The following NRG1 variants were observed in gnomAD, a reference collection of about 807,000 sequenced individuals.
NRG1 encodes the protein neuregulin 1.
In NRG1, 18 loss-of-function variants were observed where a neutral mutation model predicts 63.8. The observed-to-expected ratio is 0.28, with a 90% CI of 0.19 to 0.42. The LOEUF (loss-of-function observed/expected upper bound fraction) is 0.42. Ranked by LOEUF, NRG1 falls within the 10% of genes least tolerant of loss-of-function variation. NRG1 has a pLI of 1.00. For missense variants in NRG1, 762 were observed against 814.7 expected, an observed-to-expected ratio of 0.94 and a Z score of 0.79; for synonymous variants, 302 against 301.3, an observed-to-expected ratio of 1.00 and a Z score of -0.02.
intron 1 of NRG1, among the ~76,000 whole-genome samples, chr8:31,696,990 A>G (rs766997593): frequency 7.2e-5 from 11 of 152,210 alleles, no homozygotes; most frequent in Non-Finnish European, 1.3e-4. Flanking sequence ...TTTAATTCCT[A>G]TCACTAGTTA....
intron 1 of NRG1, among the ~76,000 whole-genome samples, chr8:32,164,312 G>T (rs1276743390): frequency 6.6e-6 from 1 of 151,440 alleles, no homozygotes; most frequent in Admixed American, 6.6e-5. Context: ...CTTTGAATTT[G>T]GAATGCTTCC....
At chr8:32,437,488 T>C (rs970310114) in intron 1 of NRG1, among the ~76,000 whole-genome samples, 7 of 152,210 alleles carry the variant, frequency 4.6e-5, no homozygotes, top group Non-Finnish European at 1.0e-4. Context: ...CCTGGCTCTA[T>C]GATCAGCTCT....
At chr8:31,745,738 A>G (rs1416938506) in intron 1 of NRG1, among the ~76,000 whole-genome samples, 3 of 151,946 alleles carry the variant, frequency 2.0e-5, no homozygotes, top group Non-Finnish European at 4.4e-5. Flanking sequence ...GTGAGCATGA[A>G]TGAGCCAAGA....
At chr8:31,992,003 A>G (rs1811180915) in intron 1 of NRG1, among the ~76,000 whole-genome samples, 1 of 151,920 alleles carries the variant, frequency 6.6e-6, no homozygotes, top group Admixed American at 6.6e-5. Flanking sequence ...GGGCGTCTAA[A>G]TGTTCAAAGA....
chr8:32,454,291 G>A (rs1279766083), intron 1 of NRG1, among the ~76,000 whole-genome samples: 1 of 152,096 alleles, frequency 6.6e-6, no homozygotes, highest in Non-Finnish European at 1.5e-5. Flanking sequence ...ATTATTGGCA[G>A]CTATGAATTT....
chr8:32,260,478 C>A (rs1850243973), intron 1 of NRG1, among the ~76,000 whole-genome samples: 1 of 152,218 alleles, frequency 6.6e-6, no homozygotes, highest in African/African-American at 2.4e-5. Flanking sequence ...GTGCTCAGGT[C>A]TTTTGCTCCT....
chr8:32,215,043 C>G (rs1476782509), intron 1 of NRG1, among the ~76,000 whole-genome samples: 1 of 152,174 alleles, frequency 6.6e-6, no homozygotes, highest in African/African-American at 2.4e-5. Flanking sequence ...GACACCCAGT[C>G]AAATTGGAAT....
intron 1 of NRG1, among the ~76,000 whole-genome samples, chr8:32,561,304 A>G (rs1304096428): frequency 6.6e-6 from 1 of 152,256 alleles, no homozygotes; most frequent in African/African-American, 2.4e-5. Flanking sequence ...TAGAGTACCT[A>G]TGATTCATAG....
rs115693416 is a variant in NRG1, at chr8:32,311,878, A to G, written c.38-283950A>G. On this transcript the variant is annotated intron_variant, in intron 1 of 10. Transcript: ENST00000519301. ...CATATCAATTCAACACGCAGTACTA[A>G]GTCTCTCCTCTTGCTCCATTTTCTA... is the stretch of plus-strand genomic sequence containing the variant. Among the ~76,000 whole-genome samples, 548 of 152,278 alleles carry G rather than the reference A, an allele frequency of 3.6e-3. 1 individual carries two copies. The highest frequency in any genetic ancestry group is 0.01 in the African/African-American group (430 of 41,556).
In NRG1 at chr8:32,502,355, C is replaced by A. The variant is rs112791656; in HGVS notation, c.38-93473C>A. ...TAAAACGTTCTTGAGAAATCTGCCC[C>A]CATGATTACAATCACCTCCCACCAG... is the stretch of plus-strand genomic sequence containing the variant. On this transcript the variant is annotated intron_variant, in intron 1 of 10. Coordinates refer to the NRG1 transcript ENST00000519301. 1.0e-3 allele frequency among the ~76,000 whole-genome samples: 151 copies of A among 150,868 alleles called. 2 individuals are homozygous for A. Among genetic ancestry groups the A allele is most frequent in the Admixed American group, 3.1e-3 (47 of 15,098 alleles).
intron 1 of NRG1, among the ~76,000 whole-genome samples, chr8:32,201,480 C>T (rs1353894522): frequency 6.6e-6 from 1 of 152,144 alleles, no homozygotes; most frequent in African/African-American, 2.4e-5. Context: ...AATAATTTGG[C>T]AATCATTTAT....
chr8:32,327,677 G>A (rs1208628001), intron 1 of NRG1, among the ~76,000 whole-genome samples: 2 of 152,098 alleles, frequency 1.3e-5, no homozygotes, highest in African/African-American at 4.8e-5. Flanking sequence ...GTTTTGTTTT[G>A]TTGTTTTATA....
At chr8:32,319,910 C>A (rs1257564178) in intron 1 of NRG1, among the ~76,000 whole-genome samples, 1 of 152,064 alleles carries the variant, frequency 6.6e-6, no homozygotes, top group Non-Finnish European at 1.5e-5. Context: ...CAAAGGAATA[C>A]TCTCTCAGAG....
At chr8:32,019,108 T>G (rs1009005997) in intron 1 of NRG1, among the ~76,000 whole-genome samples, 1 of 150,780 alleles carries the variant, frequency 6.6e-6, no homozygotes, top group Admixed American at 6.6e-5. Flanking sequence ...AGGAGTTCTG[T>G]TTTTTTTTGA....
At chr8:31,878,700 C>G (rs1190042112) in intron 1 of NRG1, among the ~76,000 whole-genome samples, 2 of 152,146 alleles carry the variant, frequency 1.3e-5, no homozygotes, top group Non-Finnish European at 2.9e-5. Flanking sequence ...GGGAAAGGAT[C>G]TATTTCATGA....
chr8:32,290,070 G>T (rs1423183987), intron 1 of NRG1, among the ~76,000 whole-genome samples: 1 of 152,016 alleles, frequency 6.6e-6, no homozygotes, highest in Non-Finnish European at 1.5e-5. Flanking sequence ...GGAGGACCCT[G>T]TCTCTACAAA....
intron 1 of NRG1, among the ~76,000 whole-genome samples, chr8:32,243,566 C>T (rs1210370369): frequency 2.6e-5 from 4 of 152,026 alleles, no homozygotes; most frequent in African/African-American, 7.2e-5. Flanking sequence ...GGTAACACTC[C>T]AACTTATCTT....
chr8:31,955,622 G>C (rs1804232123), intron 1 of NRG1, among the ~76,000 whole-genome samples: 1 of 152,158 alleles, frequency 6.6e-6, no homozygotes. Flanking sequence ...CTCAGAAAGA[G>C]GTCAGGGAGC....
At chr8:32,632,713 G>A (rs748783611) in intron 5 of NRG1, among the ~76,000 whole-genome samples, 1 of 152,068 alleles carries the variant, frequency 6.6e-6, no homozygotes, top group African/African-American at 2.4e-5. Flanking sequence ...AGGGAAAATT[G>A]TTTCTAATAT....
Sources: allele counts gnomAD v4.1 joint callset (sites outside exome capture counted in the v4.1 genomes callset), GRCh38; gene constraint gnomAD v4.1.1; transcripts MANE v1.5; gene names NCBI Gene and HGNC (gene_info 2026-07-23, HGNC 2026-07-21).